SYNDIG1L: variants seen among roughly 807,000 people sequenced by gnomAD.
The protein encoded by SYNDIG1L is synapse differentiation inducing 1 like.
Under a neutral mutation model 20.1 loss-of-function variants are expected in SYNDIG1L, and 13 were observed. The observed-to-expected ratio is 0.65, with a 90% CI of 0.42 to 1.03. SYNDIG1L has a LOEUF of 1.03. Among genes scored for constraint, SYNDIG1L ranks in the 50% least tolerant of loss-of-function variants. The pLI, the probability that SYNDIG1L is intolerant of heterozygous loss-of-function variation, is 0.00. For synonymous variants in SYNDIG1L, 128 were observed against 129.3 expected (o/e 0.99, Z 0.07); for missense variants, 294 against 305.1 (o/e 0.96, Z 0.27).
intron 1 of SYNDIG1L, among the ~76,000 whole-genome samples, chr14:74,417,450 A>G (rs1346012201): frequency 6.6e-6 from 1 of 152,236 alleles, no homozygotes; most frequent in Admixed American, 6.5e-5. Context: ...GTTGGCTCAC[A>G]CCCTAGGATG....
chr14:74,471,849 GGA>G, the SYNDIG1L span: 1 of 152,106 alleles, frequency 6.6e-6, no homozygotes, highest in Non-Finnish European at 1.5e-5. Flanking sequence ...AGGATCCTTT[GGA>G]GGTACCCATG....
chr14:74,453,573 C>T, the SYNDIG1L span, among the ~76,000 whole-genome samples: 3 of 151,876 alleles, frequency 2.0e-5, no homozygotes, highest in African/African-American at 7.3e-5. Flanking sequence ...GCACATCGCA[C>T]ACCTTAAATA....
the SYNDIG1L span, among the ~76,000 whole-genome samples, chr14:74,461,602 A>C: frequency 6.6e-6 from 1 of 151,558 alleles, no homozygotes; most frequent in Non-Finnish European, 1.5e-5. Context: ...CTAATTTTCC[A>C]CTTTCCCCTG....
At chr14:74,464,397 G>A in the SYNDIG1L span, among the ~76,000 whole-genome samples, 4 of 152,170 alleles carry the variant, frequency 2.6e-5, no homozygotes, top group East Asian at 7.7e-4. Context: ...GTTAATCCTC[G>A]CCAAACCGTG....
At chr14:74,424,772 C>T (rs958751087) in intron 1 of SYNDIG1L, among the ~76,000 whole-genome samples, 5 of 152,218 alleles carry the variant, frequency 3.3e-5, no homozygotes, top group South Asian at 2.1e-4. Context: ...GTGACAGCAG[C>T]GCACACTGGT....
chr14:74,434,168 T>C, the SYNDIG1L span, among the ~76,000 whole-genome samples: 1 of 152,240 alleles, frequency 6.6e-6, no homozygotes, highest in Non-Finnish European at 1.5e-5. Context: ...CATTTAAACA[T>C]TCCTCTTTAT....
At chr14:74,459,743 C>T in the SYNDIG1L span, among the ~76,000 whole-genome samples, 6 of 152,172 alleles carry the variant, frequency 3.9e-5, no homozygotes, top group East Asian at 1.9e-4. Context: ...CCCCCACTAC[C>T]GCCACCAGCC....
chr14:74,473,019 G>A, the SYNDIG1L span, among the ~76,000 whole-genome samples: 1 of 152,188 alleles, frequency 6.6e-6, no homozygotes, highest in African/African-American at 2.4e-5. Flanking sequence ...AGTAAATTAA[G>A]TAGGAGGAAC....
rs1163411882 is a variant in SYNDIG1L at position 74,407,282 on chromosome 14, G to T, written c.*253C>A. The T allele has an allele frequency of 3.5e-6, 2 of 571,038 alleles. No homozygotes were observed. The highest frequency in any genetic ancestry group is 1.9e-5 in the African/African-American group (1 of 52,686). The allele number at this position is 571,038 out of a possible 1,614,324, so 35.4% of individuals were successfully genotyped here. A position where few individuals can be genotyped will look rare whatever the true frequency, so the allele number is the denominator to read the frequency against. ...CCCTGCTGGGATGGCCTGGTGGGCAGCCCTGCCTTCTGTTTCCCGTCTGTA... is the reference window on the plus strand; with the variant it reads ...CCCTGCTGGGATGGCCTGGTGGGCATCCCTGCCTTCTGTTTCCCGTCTGTA... On this transcript the variant is annotated 3_prime_UTR_variant, in exon 4 of 4. Transcript: ENST00000331628.
At chr14:74,476,812 T>C in the SYNDIG1L span, among the ~76,000 whole-genome samples, 11 of 152,078 alleles carry the variant, frequency 7.2e-5, no homozygotes, top group Non-Finnish European at 1.5e-4. Context: ...GCTGTTTCCA[T>C]GGCAACCAAC....
At chr14:74,433,090 T>C in the SYNDIG1L span, among the ~76,000 whole-genome samples, 1 of 152,306 alleles carries the variant, frequency 6.6e-6, no homozygotes, top group East Asian at 1.9e-4. Flanking sequence ...ATCTTAACAA[T>C]ACTTCATTTC....
the SYNDIG1L span, among the ~76,000 whole-genome samples, chr14:74,439,210 T>C: frequency 6.6e-6 from 1 of 152,064 alleles, no homozygotes; most frequent in African/African-American, 2.4e-5. Context: ...CCTCTCTGGC[T>C]TCCTGTAATA....
At chr14:74,466,266 C>T in the SYNDIG1L span, among the ~76,000 whole-genome samples, 1 of 152,084 alleles carries the variant, frequency 6.6e-6, no homozygotes, top group African/African-American at 2.4e-5. Context: ...AGGAGCAGGG[C>T]CCATGTCATA....
the SYNDIG1L span, among the ~76,000 whole-genome samples, chr14:74,438,304 T>C: frequency 6.6e-6 from 1 of 152,236 alleles, no homozygotes; most frequent in African/African-American, 2.4e-5. Context: ...CAGAGTATTT[T>C]AGATTTCAGA....
intron 1 of SYNDIG1L, among the ~76,000 whole-genome samples, chr14:74,412,567 C>T (rs1386546225): frequency 6.6e-6 from 1 of 152,230 alleles, no homozygotes; most frequent in African/African-American, 2.4e-5. Flanking sequence ...TCTTGTTGTC[C>T]TCTGCCCCCT....
At chr14:74,436,025 C>T in the SYNDIG1L span, among the ~76,000 whole-genome samples, 2 of 152,104 alleles carry the variant, frequency 1.3e-5, no homozygotes, top group Non-Finnish European at 2.9e-5. Flanking sequence ...ACTGAGAAAG[C>T]ATTTACTATA....
At chr14:74,431,637 C>T in the SYNDIG1L span, among the ~76,000 whole-genome samples, 1 of 152,148 alleles carries the variant, frequency 6.6e-6, no homozygotes, top group Non-Finnish European at 1.5e-5. Flanking sequence ...GATGCCAAAG[C>T]TGATTTTTTC....
chr14:74,473,075 T>C, the SYNDIG1L span, among the ~76,000 whole-genome samples: 8 of 151,944 alleles, frequency 5.3e-5, no homozygotes, highest in Non-Finnish European at 1.2e-4. Flanking sequence ...CAGGAGGAGG[T>C]AAATTCACCG....
At chr14:74,449,857 G>C in the SYNDIG1L span, among the ~76,000 whole-genome samples, 4 of 151,718 alleles carry the variant, frequency 2.6e-5, no homozygotes, top group African/African-American at 9.7e-5. Context: ...AAAATAAATA[G>C]AAGAAAGGAA....
Sources: gnomAD v4.1 joint callset for allele counts (sites outside exome capture counted in the v4.1 genomes callset) on GRCh38, gnomAD v4.1.1 for gene constraint, MANE v1.5 for transcripts, NCBI Gene and HGNC (gene_info 2026-07-23, HGNC 2026-07-21) for gene names.